The following RIMS1 variants were observed in gnomAD, a reference collection of about 807,000 sequenced individuals.
The protein encoded by RIMS1 is regulating synaptic membrane exocytosis protein 1.
A neutral mutation model predicts 214.1 loss-of-function variants in RIMS1; 83 were observed. The observed-to-expected ratio is 0.39, with a 90% CI of 0.32 to 0.47. The LOEUF (loss-of-function observed/expected upper bound fraction) is 0.47. Ranked by LOEUF, RIMS1 falls within the 20% of genes least tolerant of loss-of-function variation. The probability of loss-of-function intolerance (pLI) is 0.99; values close to 1 mark genes in which losing one functional copy is unlikely to be tolerated. For synonymous variants in RIMS1, 793 were observed against 786.8 expected, an observed-to-expected ratio of 1.01 and a Z score of -0.13; for missense variants, 2,050 against 2,161.8, an observed-to-expected ratio of 0.95 and a Z score of 1.03.
At chr6:72,016,361 CT>C (rs1256555335) in intron 2 of RIMS1, among the ~76,000 whole-genome samples, 1 of 151,946 alleles carries the variant, frequency 6.6e-6, no homozygotes, top group African/African-American at 2.4e-5. Flanking sequence ...CTTCCATTTG[CT>C]TTTGGTTTAG....
chr6:71,966,173 A>G (rs1458994010), intron 1 of RIMS1, among the ~76,000 whole-genome samples: 1 of 152,212 alleles, frequency 6.6e-6, no homozygotes, highest in Admixed American at 6.5e-5. Flanking sequence ...GCAACCTGAA[A>G]CAATTAGTTT....
chr6:71,947,623 T>C (rs1480371335), intron 1 of RIMS1, among the ~76,000 whole-genome samples: 1 of 152,138 alleles, frequency 6.6e-6, no homozygotes, highest in African/African-American at 2.4e-5. Context: ...AAGAGATTTA[T>C]ATTACATCAT....
intron 1 of RIMS1, among the ~76,000 whole-genome samples, chr6:71,936,038 C>T (rs1351972390): frequency 6.6e-6 from 1 of 152,142 alleles, no homozygotes; most frequent in Non-Finnish European, 1.5e-5. Flanking sequence ...TGATAGAACA[C>T]AGTTTTAAGC....
chr6:72,395,829 A>G (rs931755629), intron 31 of RIMS1, among the ~76,000 whole-genome samples: 4 of 152,016 alleles, frequency 2.6e-5, no homozygotes, highest in Admixed American at 6.5e-5. Context: ...ATAACAAAGT[A>G]TATGAATGTA....
At chr6:72,236,529 T>C (rs1028817525) in intron 8 of RIMS1, among the ~76,000 whole-genome samples, 2 of 152,182 alleles carry the variant, frequency 1.3e-5, no homozygotes, top group African/African-American at 4.8e-5. Flanking sequence ...ATTCAACTGG[T>C]ACACATGAAT....
intron 2 of RIMS1, among the ~76,000 whole-genome samples, chr6:71,985,015 C>T (rs921904372): frequency 6.6e-6 from 1 of 152,088 alleles, no homozygotes; most frequent in African/African-American, 2.4e-5. Flanking sequence ...CATGAGACAG[C>T]CCATACTAGC....
chr6:72,225,272 T>G (rs554508800), intron 6 of RIMS1, among the ~76,000 whole-genome samples: 1 of 152,316 alleles, frequency 6.6e-6, no homozygotes, highest in South Asian at 2.1e-4. Context: ...ATAAGAAGTA[T>G]CAGTCCCACA....
intron 1 of RIMS1, among the ~76,000 whole-genome samples, chr6:71,940,707 G>A (rs922021634): frequency 2.0e-5 from 3 of 152,166 alleles, no homozygotes; most frequent in Non-Finnish European, 4.4e-5. Flanking sequence ...AAGATTTGGC[G>A]AGGTAAGTTG....
intron 1 of RIMS1, among the ~76,000 whole-genome samples, chr6:71,920,611 A>C (rs1407584907): frequency 3.3e-5 from 5 of 152,206 alleles, no homozygotes; most frequent in Non-Finnish European, 7.3e-5. Flanking sequence ...GAATTAACTC[A>C]TTCCATCAAT....
intron 3 of RIMS1, among the ~76,000 whole-genome samples, chr6:72,097,997 T>A (rs1172026247): frequency 6.6e-6 from 1 of 152,166 alleles, no homozygotes; most frequent in Non-Finnish European, 1.5e-5. Flanking sequence ...TTGATAGAGA[T>A]CTGCAGCTTA....
At chr6:72,010,997 C>T (rs1183193149) in intron 2 of RIMS1, among the ~76,000 whole-genome samples, 2 of 152,102 alleles carry the variant, frequency 1.3e-5, no homozygotes, top group African/African-American at 4.8e-5. Flanking sequence ...TCATATGGAA[C>T]CAAAAAAGAG....
At chr6:72,082,467 G>A (rs1251548935) in intron 2 of RIMS1, among the ~76,000 whole-genome samples, 1 of 152,108 alleles carries the variant, frequency 6.6e-6, no homozygotes, top group Non-Finnish European at 1.5e-5. Context: ...TGGAGTCTTT[G>A]CATGTTAAAT....
chr6:72,027,114 C>G (rs2151980241), intron 2 of RIMS1, among the ~76,000 whole-genome samples: 1 of 152,064 alleles, frequency 6.6e-6, no homozygotes, highest in East Asian at 1.9e-4. Flanking sequence ...TTTGGACAGG[C>G]AAGACTTTTT....
chr6:71,912,139 A>C (rs1777107247), intron 1 of RIMS1, among the ~76,000 whole-genome samples: 1 of 152,198 alleles, frequency 6.6e-6, no homozygotes, highest in African/African-American at 2.4e-5. Context: ...AGAAAACTGA[A>C]GATGAAGAAG....
intron 1 of RIMS1, among the ~76,000 whole-genome samples, chr6:71,966,815 C>A (rs371548234): frequency 5.9e-5 from 9 of 151,440 alleles, no homozygotes; most frequent in African/African-American, 2.2e-4. Context: ...AGCCACCATG[C>A]CCAGCAGATA....
intron 29 of RIMS1, among the ~76,000 whole-genome samples, chr6:72,369,763 T>G (rs1324501451): frequency 6.6e-6 from 1 of 152,238 alleles, no homozygotes; most frequent in Admixed American, 6.5e-5. Context: ...CTGGCCAAGT[T>G]GACACATCAG....
chr6:72,171,188 C>T (rs1457164633), intron 4 of RIMS1, among the ~76,000 whole-genome samples: 1 of 151,898 alleles, frequency 6.6e-6, no homozygotes, highest in African/African-American at 2.4e-5. Flanking sequence ...TTTACAGAAA[C>T]AAGAAAAGTG....
chr6:72,400,748 T>G lies in RIMS1; in HGVS notation c.*34T>G. 2.1e-6 allele frequency: 3 copies of G among 1,462,406 alleles called. No individual in the cohort carries two copies. Among genetic ancestry groups the G allele is most frequent in the Non-Finnish European group, 2.9e-6 (3 of 1,049,954 alleles). The allele number at this position is 1,462,406 out of a possible 1,614,324, so 90.6% of individuals were successfully genotyped here. On this transcript the variant is annotated 3_prime_UTR_variant, in exon 34 of 34. Coordinates refer to ENST00000521978, the MANE Select transcript of RIMS1 (RefSeq NM_014989.7). Reference sequence around the variant, plus strand: ...TACCAGAGTCATTCCAATAAAACTCTACTTTTCAGGATAATAATCTGAACC... The same window carrying G: ...TACCAGAGTCATTCCAATAAAACTCGACTTTTCAGGATAATAATCTGAACC...
At chr6:72,358,422 A>C (rs1461705990) in intron 29 of RIMS1, among the ~76,000 whole-genome samples, 1 of 152,098 alleles carries the variant, frequency 6.6e-6, no homozygotes, top group Non-Finnish European at 1.5e-5. Flanking sequence ...TTGTATGAGA[A>C]CTGGAACAAA....
Sources: gnomAD v4.1 joint callset for allele counts (sites outside exome capture counted in the v4.1 genomes callset) on GRCh38, gnomAD v4.1.1 for gene constraint, MANE v1.5 for transcripts, NCBI Gene and HGNC (gene_info 2026-07-23, HGNC 2026-07-21) for gene names.